FAM227B: variants seen among roughly 807,000 people sequenced by gnomAD.
FAM227B encodes protein FAM227B.
FAM227B carries 88 observed loss-of-function variants against 73.8 expected under a neutral mutation model. The observed-to-expected ratio is 1.19, with a 90% CI of 1.00 to 1.42. The LOEUF (loss-of-function observed/expected upper bound fraction) is 1.42, where lower values mean the gene tolerates loss of function less well. Among genes scored for constraint, FAM227B ranks in the 40% most tolerant of loss-of-function variants. FAM227B has a pLI of 0.00. For synonymous variants in FAM227B, 210 were observed against 190.5 expected (o/e 1.10, Z -0.84); for missense variants, 632 against 590.9 (o/e 1.07, Z -0.72).
At chr15:49,614,402 A>T (rs1396279300) in intron 2 of FAM227B, among the ~76,000 whole-genome samples, 1 of 152,222 alleles carries the variant, frequency 6.6e-6, no homozygotes, top group South Asian at 2.1e-4. Context: ...ACTTGTAAAC[A>T]TTCAGAGTTC....
At chr15:49,396,001 G>C in intron 11 of FAM227B, 1 of 455,934 alleles carries the variant, frequency 2.2e-6, no homozygotes, top group Non-Finnish European at 4.4e-6. Context: ...GAGCCAAGAT[G>C]GCCAAATAGG....
intron 10 of FAM227B, among the ~76,000 whole-genome samples, chr15:49,537,306 C>T (rs2070412381): frequency 1.3e-5 from 2 of 152,020 alleles, no homozygotes; most frequent in Admixed American, 1.3e-4. Flanking sequence ...TATGAAAAGA[C>T]ACAGAAGTAT....
At chr15:49,493,123 T>C (rs1231682599) in intron 11 of FAM227B, among the ~76,000 whole-genome samples, 1 of 152,004 alleles carries the variant, frequency 6.6e-6, no homozygotes, top group Non-Finnish European at 1.5e-5. Flanking sequence ...ACTACTTTCA[T>C]GACCTCATTA....
chr15:49,473,622 C>T (rs1428576581), intron 11 of FAM227B, among the ~76,000 whole-genome samples: 1 of 151,948 alleles, frequency 6.6e-6, no homozygotes, highest in Admixed American at 6.6e-5. Flanking sequence ...TCTACCCCAG[C>T]AATATTTTAT....
In FAM227B at chr15:49,515,123, G is replaced by A. The variant is rs762524203; in HGVS notation, c.875-6775C>T. ...CAATTACATATATGCCTGACAGTTTGAGGTTGTCTTACAGGTCTTGGATGC... is the reference window on the plus strand; with the variant it reads ...CAATTACATATATGCCTGACAGTTTAAGGTTGTCTTACAGGTCTTGGATGC... On this transcript the variant is annotated intron_variant, in intron 10 of 15. Coordinates refer to ENST00000299338, the MANE Select transcript of FAM227B (RefSeq NM_152647.3). Among the ~76,000 whole-genome samples, 3 of 152,022 alleles carry A rather than the reference G, an allele frequency of 2.0e-5. No individual in the cohort carries two copies. The South Asian group carries it at 6.2e-4, about 32-fold the overall frequency.
chr15:49,371,415 A>G lies in FAM227B; in HGVS notation c.1013-16T>C. The G allele has an allele frequency of 6.9e-7, 1 of 1,442,206 alleles. No individual in the cohort carries two copies. The highest frequency in any genetic ancestry group is 9.5e-7 in the Non-Finnish European group (1 of 1,051,324). 89.3% of individuals were successfully genotyped at this position (1,442,206 alleles called of 1,614,324 possible). A position where few individuals can be genotyped will look rare whatever the true frequency, so the allele number is the denominator to read the frequency against. ...AAGTCGATACCTAAAACAGAAAATA[A>G]AATACTTTTTAAAATTCTGGTATTT... On this transcript the variant is annotated splice_polypyrimidine_tract_variant and intron_variant, in intron 11 of 15. Coordinates refer to ENST00000299338, the MANE Select transcript of FAM227B (RefSeq NM_152647.3).
chr15:49,491,083 A>G (rs1287129533), intron 11 of FAM227B, among the ~76,000 whole-genome samples: 1 of 151,932 alleles, frequency 6.6e-6, no homozygotes, highest in Non-Finnish European at 1.5e-5. Flanking sequence ...GTCAGCTCTT[A>G]TTCTTGTCTC....
At chr15:49,377,730 C>T (rs1368326813) in intron 11 of FAM227B, among the ~76,000 whole-genome samples, 1 of 152,004 alleles carries the variant, frequency 6.6e-6, no homozygotes, top group East Asian at 1.9e-4. Flanking sequence ...CATAGAGTTA[C>T]TTGAGCTCCT....
chr15:49,377,198 C>A (rs1285984037), intron 11 of FAM227B, among the ~76,000 whole-genome samples: 1 of 151,956 alleles, frequency 6.6e-6, no homozygotes, highest in Non-Finnish European at 1.5e-5. Context: ...ATGCCTGGAC[C>A]TTACTCTTTT....
At chr15:49,584,884 T>C (rs1219793369) in intron 5 of FAM227B, among the ~76,000 whole-genome samples, 1 of 152,016 alleles carries the variant, frequency 6.6e-6, no homozygotes, top group Non-Finnish European at 1.5e-5. Flanking sequence ...CAAAAGAAAC[T>C]ACCATCAGAG....
chr15:49,532,263 T>C (rs940235543), intron 10 of FAM227B, among the ~76,000 whole-genome samples: 1 of 151,704 alleles, frequency 6.6e-6, no homozygotes, highest in East Asian at 1.9e-4. Flanking sequence ...TAGAATCATA[T>C]AATGAAGAAA....
chr15:49,407,321 T>C (rs1275652539), intron 11 of FAM227B, among the ~76,000 whole-genome samples: 2 of 152,114 alleles, frequency 1.3e-5, no homozygotes, highest in South Asian at 2.1e-4. Flanking sequence ...CCATTCTCCT[T>C]GAGTCGCTGG....
intron 3 of FAM227B, among the ~76,000 whole-genome samples, chr15:49,602,152 A>G (rs1218768219): frequency 2.0e-5 from 3 of 152,138 alleles, no homozygotes; most frequent in Non-Finnish European, 2.9e-5. Flanking sequence ...TCTCTGGGGT[A>G]TACACTCAGC....
rs766903438 is a variant in FAM227B, at chr15:49,575,085, T to C, written c.571A>G (p.Thr191Ala). ...FDERVFKIWKTHFLSEASIAL... is the reference protein window; with the variant it reads ...FDERVFKIWKAHFLSEASIAL... Reference sequence around the variant, plus strand: ...ATGGAGGCTTCTGAGAGAAAATGAGTCTTCCAGATTTTAAAAACTCTTTCC... The same window carrying C: ...ATGGAGGCTTCTGAGAGAAAATGAGCCTTCCAGATTTTAAAAACTCTTTCC... The change falls in exon 8 of 16, where the codon ACT (threonine) becomes GCT (alanine). Residue 191 changes from threonine (T) to alanine (A), a missense_variant. Thr to Ala is a moderately conservative substitution (Grantham distance 58). Coordinates refer to ENST00000299338, the MANE Select transcript of FAM227B (RefSeq NM_152647.3). 5.0e-6 allele frequency: 8 copies of C among 1,598,330 alleles called. No individual in the cohort carries two copies. The highest frequency in any genetic ancestry group is 6.8e-6 in the Non-Finnish European group (8 of 1,172,012).
intron 11 of FAM227B, among the ~76,000 whole-genome samples, chr15:49,452,760 C>A (rs939663976): frequency 6.6e-6 from 1 of 151,972 alleles, no homozygotes; most frequent in African/African-American, 2.4e-5. Context: ...TATGTGCTTA[C>A]AAGATTATTA....
At chr15:49,374,586 G>A (rs1017015580) in intron 11 of FAM227B, among the ~76,000 whole-genome samples, 7 of 152,120 alleles carry the variant, frequency 4.6e-5, no homozygotes, top group East Asian at 1.9e-4. Context: ...ACTGAGTCTC[G>A]CTCTGTTGCC....
chr15:49,332,755 G>A (rs2039027539), intron 14 of FAM227B, among the ~76,000 whole-genome samples: 1 of 152,190 alleles, frequency 6.6e-6, no homozygotes, highest in African/African-American at 2.4e-5. Flanking sequence ...ACATGTTGCT[G>A]AAGCAGCAAG....
intron 9 of FAM227B, among the ~76,000 whole-genome samples, chr15:49,547,499 G>GTCT (rs1489392708): frequency 1.3e-5 from 2 of 152,148 alleles, no homozygotes; most frequent in African/African-American, 4.8e-5. Context: ...TGGATAAAGA[G>GTCT]TCAAGACCCA....
chr15:49,508,146 TAATA>T (rs1172956598), intron 11 of FAM227B, 61 bp downstream of exon 11: 1 of 1,511,592 alleles, frequency 6.6e-7, no homozygotes, highest in African/African-American at 1.4e-5. Context: ...AAATTCTGCC[TAATA>T]AATAAATTAA....
Sources: allele counts gnomAD v4.1 joint callset (sites outside exome capture counted in the v4.1 genomes callset), GRCh38; gene constraint gnomAD v4.1.1; transcripts MANE v1.5; gene names NCBI Gene and HGNC (gene_info 2026-07-23, HGNC 2026-07-21).